CCDC171: variants seen among roughly 807,000 people sequenced by gnomAD.
CCDC171 encodes coiled-coil domain containing 171.
A neutral mutation model predicts 168.2 loss-of-function variants in CCDC171; 177 were observed. The ratio of observed to expected loss-of-function variants is 1.05; its 90% confidence interval spans 0.93 to 1.19. The LOEUF is 1.19. Ranked by LOEUF, CCDC171 falls within the 50% of genes most tolerant of loss-of-function variation. CCDC171 has a pLI of 0.00. For missense variants in CCDC171, 1,991 were observed against 1,539.0 expected, an observed-to-expected ratio of 1.29 and a Z score of -4.91; for synonymous variants, 687 against 540.8, an observed-to-expected ratio of 1.27 and a Z score of -3.75.
intron 21 of CCDC171, among the ~76,000 whole-genome samples, chr9:15,809,688 C>G (rs1397915033): frequency 6.6e-6 from 1 of 152,188 alleles, no homozygotes; most frequent in Non-Finnish European, 1.5e-5. Flanking sequence ...AGGAGTGAAG[C>G]TGCAGACCTT....
chr9:15,822,017 G>A (rs1412258358), intron 21 of CCDC171, among the ~76,000 whole-genome samples: 2 of 152,100 alleles, frequency 1.3e-5, no homozygotes, highest in African/African-American at 2.4e-5. Context: ...AGAGCCCTCA[G>A]AAATAATGCT....
At chr9:16,098,403 T>G in the CCDC171 span, among the ~76,000 whole-genome samples, 2 of 152,170 alleles carry the variant, frequency 1.3e-5, no homozygotes, top group Non-Finnish European at 2.9e-5. Context: ...TGGAAGAATA[T>G]GTGAATAAGA....
rs1433017558 is a variant in CCDC171, at chr9:15,754,301, G to T, written c.2671+8670G>T. Reference sequence around the variant, plus strand: ...GTAGTTATCAGTTATCTAGTTATCAGTTGTGTGAAACTGGGCACGTTATTT... The same window carrying T: ...GTAGTTATCAGTTATCTAGTTATCATTTGTGTGAAACTGGGCACGTTATTT... On this transcript the variant is annotated intron_variant, in intron 18 of 25. Coordinates refer to ENST00000380701, the MANE Select transcript of CCDC171 (RefSeq NM_173550.4). 2.6e-5 allele frequency among the ~76,000 whole-genome samples: 4 copies of T among 152,138 alleles called. No homozygotes were observed. The South Asian group carries it at 6.2e-4, about 24-fold the overall frequency.
the CCDC171 span, among the ~76,000 whole-genome samples, chr9:16,096,784 A>G: frequency 6.6e-6 from 1 of 152,160 alleles, no homozygotes; most frequent in African/African-American, 2.4e-5. Flanking sequence ...TTTTAGACCC[A>G]GCGTACTGCA....
intron 7 of CCDC171, among the ~76,000 whole-genome samples, chr9:15,625,952 G>A (rs940650897): frequency 2.4e-4 from 36 of 152,226 alleles, no homozygotes; most frequent in Non-Finnish European, 2.9e-4. Context: ...AACCATGAGC[G>A]TGGAATGTTC....
At chr9:15,659,550 T>A (rs948001454) in intron 8 of CCDC171, among the ~76,000 whole-genome samples, 5 of 152,206 alleles carry the variant, frequency 3.3e-5, no homozygotes, top group Non-Finnish European at 5.9e-5. Flanking sequence ...TAAGATGTTC[T>A]TATTTCATGT....
intron 4 of CCDC171, among the ~76,000 whole-genome samples, chr9:15,583,556 C>G (rs1008533771): frequency 3.9e-5 from 6 of 152,054 alleles, no homozygotes; most frequent in Non-Finnish European, 5.9e-5. Context: ...TAGAAAACCA[C>G]TTATAAGTGG....
intron 18 of CCDC171, among the ~76,000 whole-genome samples, chr9:15,764,637 C>A (rs748288142): frequency 6.6e-6 from 1 of 152,108 alleles, no homozygotes; most frequent in Non-Finnish European, 1.5e-5. Context: ...CATGTTATGT[C>A]TGAGAAATAT....
chr9:15,554,484 C>G (rs1025481590), intron 1 of CCDC171, among the ~76,000 whole-genome samples: 1 of 152,152 alleles, frequency 6.6e-6, no homozygotes, highest in African/African-American at 2.4e-5. Context: ...CTGTGTTAGT[C>G]TTGGGGCTCA....
In CCDC171 at chr9:15,591,460, A is replaced by G. The variant is rs753017220; in HGVS notation, c.447A>G (p.Glu149=). ...QKWKEECRRF[E]HDLEERDNMI... is the part of the protein sequence containing the mutation. ...GGAAAGAAGAATGCAGAAGATTTGAACATGATTTGGAGGAAAGAGACAATA... is the reference window on the plus strand; with the variant it reads ...GGAAAGAAGAATGCAGAAGATTTGAGCATGATTTGGAGGAAAGAGACAATA... The change falls in exon 5 of 26, where the codon GAA becomes GAG. Residue 149 remains glutamate, a synonymous_variant. Transcript: ENST00000380701. The G allele has an allele frequency of 4.6e-5, 74 of 1,609,072 alleles. No homozygotes were observed. The highest frequency in any genetic ancestry group is 5.9e-5 in the Non-Finnish European group (69 of 1,177,192).
At chr9:15,692,855 G>T (rs1282261727) in intron 10 of CCDC171, among the ~76,000 whole-genome samples, 2 of 150,488 alleles carry the variant, frequency 1.3e-5, no homozygotes, top group African/African-American at 4.9e-5. Flanking sequence ...AATGATTCTA[G>T]GCCGGGCATG....
rs985495463 is a variant in CCDC171, at chr9:15,946,616, A to C, written c.3754-24993A>C. On this transcript the variant is annotated intron_variant, in intron 25 of 25. Coordinates refer to ENST00000380701, the MANE Select transcript of CCDC171 (RefSeq NM_173550.4). ...CTGCCCAAGGTAATTTCTACATTCA[A>C]TGCCATCCCCATCAAGCTACCAATG... is the stretch of plus-strand genomic sequence containing the variant. Among the ~76,000 whole-genome samples the C allele has an allele frequency of 2.0e-5, 3 of 152,170 alleles. No individual in the cohort carries two copies. In the South Asian group the frequency reaches 6.2e-4, roughly 32 times the overall value.
At chr9:15,639,544 CTT>C (rs1411076403) in intron 7 of CCDC171, among the ~76,000 whole-genome samples, 1 of 151,932 alleles carries the variant, frequency 6.6e-6, no homozygotes, top group South Asian at 2.1e-4. Context: ...TCATTAAACT[CTT>C]TTATAATCTG....
chr9:15,651,413 GT>G (rs1160499805), intron 7 of CCDC171, among the ~76,000 whole-genome samples: 20 of 144,716 alleles, frequency 1.4e-4, no homozygotes, highest in Admixed American at 1.4e-4. Context: ...CTGGCCTATA[GT>G]TTTTTTTTTT....
At chr9:15,645,077 T>C (rs940373484) in intron 7 of CCDC171, among the ~76,000 whole-genome samples, 1 of 152,222 alleles carries the variant, frequency 6.6e-6, no homozygotes, top group East Asian at 1.9e-4. Flanking sequence ...CAACATTGGC[T>C]GTTCAGCAAT....
At chr9:15,560,594 T>A (rs573204813) in intron 1 of CCDC171, among the ~76,000 whole-genome samples, 3 of 152,158 alleles carry the variant, frequency 2.0e-5, no homozygotes, top group Non-Finnish European at 4.4e-5. Flanking sequence ...ATTCAGGGAT[T>A]TCTCTACACT....
At chr9:15,887,933 G>C (rs770210) in intron 24 of CCDC171, 127,418 of 152,110 alleles carry the variant, frequency 0.84, 53,639 homozygotes, top group East Asian at 0.96. Context: ...CTAGTTCTTT[G>C]AGCCCCAGTG....
At chr9:15,858,879 T>C (rs2061441751) in intron 23 of CCDC171, among the ~76,000 whole-genome samples, 1 of 152,060 alleles carries the variant, frequency 6.6e-6, no homozygotes, top group African/African-American at 2.4e-5. Context: ...CTATTACTTA[T>C]TTTTCTTGCC....
At chr9:16,080,273 T>A in the CCDC171 span, among the ~76,000 whole-genome samples, 1 of 152,214 alleles carries the variant, frequency 6.6e-6, no homozygotes. Context: ...GGTCTAAATA[T>A]TATAGTGATC....
Sources: gnomAD v4.1 joint callset for allele counts (sites outside exome capture counted in the v4.1 genomes callset) on GRCh38, gnomAD v4.1.1 for gene constraint, MANE v1.5 for transcripts, NCBI Gene and HGNC (gene_info 2026-07-23, HGNC 2026-07-21) for gene names.